Variants in DNAJB11 observed in about 807,000 individuals in gnomAD.
The protein encoded by DNAJB11 is dnaJ homolog subfamily B member 11.
A neutral mutation model predicts 47.2 loss-of-function variants in DNAJB11; 30 were observed. The observed-to-expected ratio is 0.64, with a 90% CI of 0.48 to 0.86. The LOEUF (loss-of-function observed/expected upper bound fraction) is 0.86. Among genes scored for constraint, DNAJB11 ranks in the 40% least tolerant of loss-of-function variants. The pLI, the probability that DNAJB11 is intolerant of heterozygous loss-of-function variation, is 0.00. For missense variants in DNAJB11, 357 were observed against 440.2 expected (o/e 0.81, Z 1.69); for synonymous variants, 151 against 159.9 (o/e 0.94, Z 0.42).
rs1164341025 is a variant in DNAJB11 at position 186,572,221 on chromosome 3, G to A, written c.195G>A (p.Glu65=). 1 of 1,612,372 alleles carries A rather than the reference G, an allele frequency of 6.2e-7. No homozygotes were observed. The highest frequency in any genetic ancestry group is 8.5e-7 in the Non-Finnish European group (1 of 1,179,528). ...DRNPDDPQAQ[E]KFQDLGAAYE... is the part of the protein sequence containing the mutation. ...ACCCTGATGATCCACAAGCCCAGGA[G>A]AAATTCCAGGATCTGGGTGCTGCTT... is the stretch of plus-strand genomic sequence containing the variant. The change falls in exon 2 of 10, where the codon GAG becomes GAA. Residue 65 remains glutamate, a synonymous_variant. Coordinates refer to ENST00000265028, the MANE Select transcript of DNAJB11 (RefSeq NM_016306.6).
chr3:186,581,924 AC>A (rs1715499239), intron 5 of DNAJB11, 70 bp from the exon 6 acceptor site: 7 of 1,299,128 alleles, frequency 5.4e-6, no homozygotes, highest in Non-Finnish European at 7.6e-6. Context: ...AATAGGTATA[AC>A]TTTATCTATA....
At chr3:186,576,790 C>CT (rs1410659705) in intron 3 of DNAJB11, among the ~76,000 whole-genome samples, 1 of 152,126 alleles carries the variant, frequency 6.6e-6, no homozygotes, top group African/African-American at 2.4e-5. Context: ...ATTTGGCTGG[C>CT]TGAAGTGATC....
intron 4 of DNAJB11, chr3:186,579,521 A>G (rs1397510374): frequency 6.6e-6 from 1 of 152,202 alleles, no homozygotes; most frequent in African/African-American, 2.4e-5. Flanking sequence ...TGGTCTGTCT[A>G]ATCTTTTTTT....
At chr3:186,573,921 A>G (rs1320984842) in intron 2 of DNAJB11, among the ~76,000 whole-genome samples, 1 of 152,218 alleles carries the variant, frequency 6.6e-6, no homozygotes, top group Non-Finnish European at 1.5e-5. Flanking sequence ...TCAATGACCT[A>G]GGCAGGCTAT....
At chr3:186,585,265 T>C in intron 9 of DNAJB11, 79 bp from the exon 10 acceptor site, 1 of 1,212,012 alleles carries the variant, frequency 8.3e-7, no homozygotes, top group South Asian at 1.3e-5. Context: ...TTATGAGCTT[T>C]TTCTTGAAAT....
Position 186,585,516 on chromosome 3 carries a change from G to C in DNAJB11, c.*108G>C. ...TTTTTATTTTCAATATGCAAGTTAGGCTTAATTTTTTTATCTAATGATCAT... is the reference window on the plus strand; with the variant it reads ...TTTTTATTTTCAATATGCAAGTTAGCCTTAATTTTTTTATCTAATGATCAT... On this transcript the variant is annotated 3_prime_UTR_variant, in exon 10 of 10. Transcript: ENST00000265028. 1 of 734,876 alleles carries C rather than the reference G, an allele frequency of 1.4e-6. No individual in the cohort carries two copies. Among genetic ancestry groups the C allele is most frequent in the Admixed American group, 3.1e-5 (1 of 32,150 alleles). The allele number at this position is 734,876 out of a possible 1,614,324, so 45.5% of individuals were successfully genotyped here. A position where few individuals can be genotyped will look rare whatever the true frequency, so the allele number is the denominator to read the frequency against.
intron 2 of DNAJB11, 56 bp downstream of exon 2, chr3:186,572,307 T>C (rs1400264682): frequency 8.1e-6 from 12 of 1,481,696 alleles, no homozygotes; most frequent in Non-Finnish European, 1.1e-5. Flanking sequence ...AGAAAAAACA[T>C]ACAATACAGA....
Position 186,575,915 on chromosome 3 carries a change from T to C in DNAJB11, c.301T>C (p.Ser101Pro), listed in dbSNP as rs559363695. 1.5e-4 allele frequency: 234 copies of C among 1,613,580 alleles called. 2 individuals are homozygous for C. The South Asian group carries it at 2.5e-3, about 17-fold the overall frequency. Reference sequence around the variant, plus strand: ...AGGATTAAAAGATGGTCATCAGAGCTCCCATGGAGACATTTTTTCACAGTG... The same window carrying C: ...AGGATTAAAAGATGGTCATCAGAGCCCCCATGGAGACATTTTTTCACAGTG... The part of the protein sequence containing the change: ...EEGLKDGHQS[S>P]HGDIFSHFFG... The change falls in exon 3 of 10, where the codon TCC (serine) becomes CCC (proline). Residue 101 changes from serine (S) to proline (P), a missense_variant. Transcript: ENST00000265028.
chr3:186,585,170 A>G (rs538623799), intron 9 of DNAJB11, among the ~76,000 whole-genome samples, 174 bp from the exon 10 acceptor site: 14 of 152,114 alleles, frequency 9.2e-5, no homozygotes, highest in South Asian at 4.2e-4. Flanking sequence ...CTGGACACAC[A>G]TGTGCATGTG....
At chr3:186,571,740 G>C (rs1715065498) in intron 1 of DNAJB11, among the ~76,000 whole-genome samples, 1 of 152,172 alleles carries the variant, frequency 6.6e-6, no homozygotes, top group Non-Finnish European at 1.5e-5. Flanking sequence ...GGGAAAGGGG[G>C]GAAGAGTTAA....
At chr3:186,581,952 T>G (rs1439682195) in intron 5 of DNAJB11, 43 bp from the exon 6 acceptor site, 1 of 1,488,846 alleles carries the variant, frequency 6.7e-7, no homozygotes, top group Non-Finnish European at 9.3e-7. Flanking sequence ...GTTTTGTTTA[T>G]ATTTTCATTA....
chr3:186,582,874 A>G (rs1257996015), intron 7 of DNAJB11, 101 bp downstream of exon 7: 14 of 861,180 alleles, frequency 1.6e-5, no homozygotes, highest in Non-Finnish European at 2.5e-5. Context: ...TCTTACCCTT[A>G]TTACCCTAAA....
chr3:186,581,262 G>T, intron 4 of DNAJB11, 109 bp from the exon 5 acceptor site: 1 of 1,281,642 alleles, frequency 7.8e-7, no homozygotes, highest in Non-Finnish European at 1.1e-6. Context: ...TAGATTGCCA[G>T]AGAAGGGGAA....
rs1322570685 is a variant in DNAJB11 at position 186,577,813 on chromosome 3, A to T, written c.456+13A>T. On this transcript the variant is annotated intron_variant, in intron 4 of 9. Coordinates refer to ENST00000265028, the MANE Select transcript of DNAJB11 (RefSeq NM_016306.6). ...AAATTTTGTGGAAGTAAGTTCAAAC[A>T]ATATAGCTGTTCATATTGACTCCCA... 6.3e-7 allele frequency: 1 copy of T among 1,582,988 alleles called. No individual in the cohort carries two copies. The highest frequency in any genetic ancestry group is 1.4e-5 in the African/African-American group (1 of 73,466).
intron 2 of DNAJB11, among the ~76,000 whole-genome samples, chr3:186,574,632 C>T (rs1715202635): frequency 6.6e-6 from 1 of 152,108 alleles, no homozygotes; most frequent in African/African-American, 2.4e-5. Context: ...TTTGCCTTTG[C>T]TTTTAAGAAT....
rs1252749098 is a variant in DNAJB11, at chr3:186,573,270, T to A, written c.225+1019T>A. ...ACCTTGAAAGGAAGGAATCCCAAGA[T>A]CTCTAGATTAAAGAAGCAATGGAAT... On this transcript the variant is annotated intron_variant, in intron 2 of 9. Coordinates refer to ENST00000265028, the MANE Select transcript of DNAJB11 (RefSeq NM_016306.6). Among the ~76,000 whole-genome samples, 3 of 152,230 alleles carry A rather than the reference T, an allele frequency of 2.0e-5. No homozygotes were observed. In the East Asian group the frequency reaches 5.8e-4, roughly 29 times the overall value.
intron 2 of DNAJB11, among the ~76,000 whole-genome samples, chr3:186,572,756 G>A (rs1715128966): frequency 6.6e-6 from 1 of 152,242 alleles, no homozygotes; most frequent in African/African-American, 2.4e-5. Flanking sequence ...ATATTGGGAA[G>A]CAATAAGGAT....
At chr3:186,574,531 TC>T (rs1309124709) in intron 2 of DNAJB11, among the ~76,000 whole-genome samples, 2 of 152,224 alleles carry the variant, frequency 1.3e-5, no homozygotes, top group Non-Finnish European at 2.9e-5. Flanking sequence ...GTACCTATTT[TC>T]TAAAGATACT....
intron 3 of DNAJB11, 125 bp from the exon 4 acceptor site, chr3:186,577,543 C>A: frequency 3.6e-6 from 3 of 844,864 alleles, no homozygotes; most frequent in Non-Finnish European, 5.3e-6. Context: ...TTAAAAAATA[C>A]CTTGTAGTTT....
Sources: gnomAD v4.1 joint callset for allele counts (sites outside exome capture counted in the v4.1 genomes callset) on GRCh38, gnomAD v4.1.1 for gene constraint, MANE v1.5 for transcripts, NCBI Gene and HGNC (gene_info 2026-07-23, HGNC 2026-07-21) for gene names.